Variants in TMEM255A observed in about 807,000 individuals in gnomAD.
TMEM255A encodes the protein family with sequence similarity 70, member A.
TMEM255A carries 14 observed loss-of-function variants against 23.5 expected under a neutral mutation model. That is an observed-to-expected ratio of 0.60 (90% CI 0.39 to 0.93). The LOEUF (loss-of-function observed/expected upper bound fraction) is 0.93, where lower values mean the gene tolerates loss of function less well. TMEM255A is among the 40% of genes least tolerant of loss of function. The probability of loss-of-function intolerance (pLI) is 0.00; values close to 1 mark genes in which losing one functional copy is unlikely to be tolerated. For missense variants in TMEM255A, 233 were observed against 261.7 expected, an observed-to-expected ratio of 0.89 and a Z score of 0.76; for synonymous variants, 104 against 100.3, an observed-to-expected ratio of 1.04 and a Z score of -0.22.
intron 1 of TMEM255A, among the ~76,000 whole-genome samples, chrX:120,308,798 A>C (rs1364359670): frequency 8.9e-6 from 1 of 112,459 alleles, no homozygotes; most frequent in Non-Finnish European, 1.9e-5. Flanking sequence ...CACTGGAGTC[A>C]AATTACCATC....
chrX:120,273,258 G>T (rs2057774527), intron 7 of TMEM255A: 3 of 246,729 alleles, frequency 1.2e-5, no homozygotes, highest in Non-Finnish European at 2.4e-5. Context: ...GAAGTTAAAA[G>T]GAAACAACTC....
intron 7 of TMEM255A, among the ~76,000 whole-genome samples, chrX:120,272,873 CTGGGA>C (rs1180396053): frequency 5.5e-5 from 6 of 109,689 alleles, no homozygotes; most frequent in Non-Finnish European, 9.5e-5. Context: ...TCCCGAGTAG[CTGGGA>C]TTACAGGCAT....
chrX:120,260,852 G>A lies in TMEM255A; in HGVS notation c.*18C>T. ...TACAAAAGCCACAATAATCTCAATA[G>A]CCAGCAGGCATTCCTCTTTAGGGAC... is the stretch of plus-strand genomic sequence containing the variant. On this transcript the variant is annotated 3_prime_UTR_variant, in exon 9 of 9. Coordinates refer to ENST00000371369, the MANE Select transcript of TMEM255A (RefSeq NM_001104544.3). 1.1e-5 allele frequency: 13 copies of A among 1,203,171 alleles called. No individual in the cohort carries two copies. The highest frequency in any genetic ancestry group is 1.5e-5 in the Non-Finnish European group (13 of 892,405).
intron 8 of TMEM255A, among the ~76,000 whole-genome samples, chrX:120,264,831 T>C (rs1330646949): frequency 9.1e-6 from 1 of 109,964 alleles, no homozygotes; most frequent in Non-Finnish European, 1.9e-5. Flanking sequence ...TGACTCCTTT[T>C]TATTTATCTG....
chrX:120,253,353 A>C, the TMEM255A span: 1 of 1,000,928 alleles, frequency 1.0e-6, no homozygotes, highest in Admixed American at 3.0e-5. Flanking sequence ...TAAATTCTAA[A>C]TAAGTACTTT....
chrX:120,283,611 T>A (rs889320481), intron 6 of TMEM255A, among the ~76,000 whole-genome samples: 15 of 111,577 alleles, frequency 1.3e-4, no homozygotes, highest in African/African-American at 4.9e-4. Flanking sequence ...AATACGTGCA[T>A]GACGAACATT....
At chrX:120,309,832 C>T (rs1454626894) in intron 1 of TMEM255A, 1 of 111,721 alleles carries the variant, frequency 9.0e-6, no homozygotes, top group African/African-American at 3.3e-5. Flanking sequence ...CTGCTGGGCT[C>T]GGGATTCGGA....
At chrX:120,261,232 T>A (rs2057677948) in intron 8 of TMEM255A, among the ~76,000 whole-genome samples, 1 of 111,568 alleles carries the variant, frequency 9.0e-6, no homozygotes, top group African/African-American at 3.3e-5. Flanking sequence ...AAATAGGGAA[T>A]CCTCCTCTGC....
In TMEM255A at chrX:120,260,295, A is replaced by AT; in HGVS notation, c.*574dup. On this transcript the variant is annotated 3_prime_UTR_variant, in exon 9 of 9. Coordinates refer to ENST00000371369, the MANE Select transcript of TMEM255A (RefSeq NM_001104544.3). ...GCTGAGCTGAGTGATCACAACAGCC[A>AT]TTTTTACAATACTCACAGAGAAGGA... 3.9e-6 allele frequency: 2 copies of AT among 513,305 alleles called. No individual in the cohort carries two copies. Among genetic ancestry groups the AT allele is most frequent in the Non-Finnish European group, 4.8e-6 (2 of 418,740 alleles). The allele number at this position is 513,305 out of a possible 1,213,427, so 42.3% of individuals were successfully genotyped here. A position where few individuals can be genotyped will look rare whatever the true frequency, so the allele number is the denominator to read the frequency against.
At chrX:120,308,799 A>G (rs1046411665) in intron 1 of TMEM255A, among the ~76,000 whole-genome samples, 6 of 112,221 alleles carry the variant, frequency 5.3e-5, no homozygotes, top group Non-Finnish European at 1.1e-4. Context: ...ACTGGAGTCA[A>G]ATTACCATCT....
chrX:120,268,838 T>C (rs1286619493), intron 7 of TMEM255A, among the ~76,000 whole-genome samples: 12 of 112,272 alleles, frequency 1.1e-4, no homozygotes, highest in Non-Finnish European at 2.3e-4. Context: ...AAAGTTGAAA[T>C]CATTTGTGTG....
intron 4 of TMEM255A, among the ~76,000 whole-genome samples, chrX:120,289,617 C>T: frequency 8.9e-6 from 1 of 111,883 alleles, no homozygotes; most frequent in Non-Finnish European, 1.9e-5. Flanking sequence ...CTGGCAGTTC[C>T]TCAAACAAAT....
chrX:120,276,076 A>G (rs2057796642), intron 7 of TMEM255A, among the ~76,000 whole-genome samples: 1 of 111,570 alleles, frequency 9.0e-6, no homozygotes, highest in Non-Finnish European at 1.9e-5. Context: ...GATTACAAGC[A>G]TGAGCCACCA....
At position 120,285,165 on chromosome X, in the gene TMEM255A, G is replaced by A; in HGVS notation, c.474C>T (p.Gly158=). 1 of 1,211,408 alleles carries A rather than the reference G, an allele frequency of 8.3e-7. No homozygotes were observed. Among genetic ancestry groups the A allele is most frequent in the African/African-American group, 1.7e-5 (1 of 57,794 alleles). The change falls in exon 6 of 9, where the codon GGC becomes GGT. Residue 158 remains glycine (G), a synonymous_variant. Transcript: ENST00000371369. The part of the protein sequence containing the change: ...SREFCTPRIR[G]NTCFCCDLYN... ...AGAGGTCACAGCAGAAGCAGGTGTT[G>A]CCCCGGATGCGAGGTGTGCAGAATT...
At chrX:120,262,617 G>A (rs782223668) in intron 8 of TMEM255A, among the ~76,000 whole-genome samples, 6 of 111,153 alleles carry the variant, frequency 5.4e-5, no homozygotes, top group Non-Finnish European at 1.1e-4. Context: ...TTTCCATCTT[G>A]CACCCTTCAA....
Position 120,277,010 on chromosome X carries a change from C to G in TMEM255A, c.550G>C (p.Asp184His). ...ATGATATCTTGGCAACTGCTGACATCGATGTATTCGTAGTACCCACCAGTG... is the reference window on the plus strand; with the variant it reads ...ATGATATCTTGGCAACTGCTGACATGGATGTATTCGTAGTACCCACCAGTG... ...EITGGYYEYI[D>H]VSSCQDIIHL... Residue 184 changes from aspartate to histidine, a missense_variant, in exon 7 of 9, where the codon GAT becomes CAT. Coordinates refer to ENST00000371369, the MANE Select transcript of TMEM255A (RefSeq NM_001104544.3). The G allele has an allele frequency of 1.7e-6, 2 of 1,210,256 alleles. No homozygotes were observed. The highest frequency in any genetic ancestry group is 2.2e-6 in the Non-Finnish European group (2 of 894,772).
At chrX:120,262,012 G>A (rs782328472) in intron 8 of TMEM255A, among the ~76,000 whole-genome samples, 2 of 111,930 alleles carry the variant, frequency 1.8e-5, no homozygotes, top group South Asian at 3.7e-4. Flanking sequence ...AATCTAGGCC[G>A]GGCGCGGTGG....
chrX:120,305,054 A>G (rs1463078321), intron 1 of TMEM255A, among the ~76,000 whole-genome samples: 2 of 111,320 alleles, frequency 1.8e-5, no homozygotes, highest in Non-Finnish European at 3.8e-5. Flanking sequence ...TATTGGCAAG[A>G]TTTGTCACAT....
intron 1 of TMEM255A, among the ~76,000 whole-genome samples, chrX:120,309,407 A>G (rs1353408438): frequency 4.4e-5 from 5 of 113,052 alleles, no homozygotes; most frequent in Admixed American, 2.8e-4. Context: ...TTGTTCCCCA[A>G]CCCACAGAGC....
Sources: gnomAD v4.1 joint callset for allele counts (sites outside exome capture counted in the v4.1 genomes callset) on GRCh38, gnomAD v4.1.1 for gene constraint, MANE v1.5 for transcripts, NCBI Gene and HGNC (gene_info 2026-07-23, HGNC 2026-07-21) for gene names.